RARB: variants seen among roughly 807,000 people sequenced by gnomAD.
RARB encodes the protein retinoic acid receptor beta.
RARB carries 17 observed loss-of-function variants against 51.9 expected under a neutral mutation model. That is an observed-to-expected ratio of 0.33 (90% CI 0.22 to 0.49). The LOEUF is 0.49. RARB is among the 20% of genes least tolerant of loss of function. The pLI is 0.99. For missense variants in RARB, 369 were observed against 550.8 expected (o/e 0.67, Z 3.30); for synonymous variants, 215 against 195.4 (o/e 1.10, Z -0.84).
chr3:25,394,344 A>G (rs893230471), intron 5 of RARB, among the ~76,000 whole-genome samples: 6 of 152,168 alleles, frequency 3.9e-5, no homozygotes, highest in African/African-American at 1.4e-4. Context: ...AGAATGTTCA[A>G]TGTGCTGATG....
At chr3:25,479,484 T>A (rs1696124167) in intron 2 of RARB, among the ~76,000 whole-genome samples, 1 of 152,248 alleles carries the variant, frequency 6.6e-6, no homozygotes, top group African/African-American at 2.4e-5. Flanking sequence ...TGTTCCTATT[T>A]AAAATTTAAA....
intron 2 of RARB, among the ~76,000 whole-genome samples, chr3:24,973,481 T>A (rs139835565): frequency 1.3e-5 from 2 of 152,036 alleles, no homozygotes; most frequent in Non-Finnish European, 2.9e-5. Context: ...AATTTTAGAA[T>A]TTTTTTGTTT....
At chr3:25,066,802 C>T (rs958190579) in intron 3 of RARB, among the ~76,000 whole-genome samples, 1 of 151,956 alleles carries the variant, frequency 6.6e-6, no homozygotes, top group Admixed American at 6.6e-5. Context: ...ATATTATACT[C>T]CTTTGTCCTC....
chr3:25,520,243 G>T lies in RARB; in HGVS notation c.448+18920G>T, dbSNP rs914002446. 2.6e-5 allele frequency among the ~76,000 whole-genome samples: 4 copies of T among 152,110 alleles called. No homozygotes were observed. The South Asian group carries it at 8.3e-4, about 32-fold the overall frequency. On this transcript the variant is annotated intron_variant, in intron 3 of 7. Coordinates refer to ENST00000330688, the MANE Select transcript of RARB (RefSeq NM_000965.5). Reference sequence around the variant, plus strand: ...ATTTTCTATTCTAATTCAAACACTGGTTATAAGAGTTTAGTTCCACGCCAA... The same window carrying T: ...ATTTTCTATTCTAATTCAAACACTGTTTATAAGAGTTTAGTTCCACGCCAA...
At chr3:24,916,163 T>C (rs1695102005) in intron 2 of RARB, among the ~76,000 whole-genome samples, 1 of 152,112 alleles carries the variant, frequency 6.6e-6, no homozygotes, top group African/African-American at 2.4e-5. Flanking sequence ...GAAAAAAGAC[T>C]CACAGAAAGC....
intron 2 of RARB, among the ~76,000 whole-genome samples, chr3:24,984,479 A>G (rs1480765262): frequency 6.6e-6 from 1 of 152,190 alleles, no homozygotes; most frequent in African/African-American, 2.4e-5. Context: ...TTTTAAAGTT[A>G]AACTATGAAT....
chr3:25,501,624 G>T (rs987264999), intron 3 of RARB, among the ~76,000 whole-genome samples: 1 of 152,130 alleles, frequency 6.6e-6, no homozygotes, highest in Admixed American at 6.5e-5. Context: ...ACAGTCACAC[G>T]GTGACTCCAT....
At chr3:24,877,221 C>T (rs981928386) in intron 2 of RARB, among the ~76,000 whole-genome samples, 4 of 152,036 alleles carry the variant, frequency 2.6e-5, no homozygotes, top group Middle Eastern at 3.4e-3. Flanking sequence ...TAGATAGTAT[C>T]TCACTTCTGT....
At chr3:25,457,615 G>GT (rs1232702425) in intron 1 of RARB, among the ~76,000 whole-genome samples, 1 of 152,132 alleles carries the variant, frequency 6.6e-6, no homozygotes, top group African/African-American at 2.4e-5. Context: ...TAGACTTCCC[G>GT]TTTTTTGTGT....
chr3:25,205,004 G>C (rs1216294127), intron 5 of RARB, among the ~76,000 whole-genome samples: 2 of 152,154 alleles, frequency 1.3e-5, no homozygotes, highest in African/African-American at 2.4e-5. Flanking sequence ...TTTTGTTTGG[G>C]TATGCCTTGC....
At chr3:25,254,773 AAAG>A (rs1218639543) in intron 5 of RARB, among the ~76,000 whole-genome samples, 1 of 152,146 alleles carries the variant, frequency 6.6e-6, no homozygotes, top group African/African-American at 2.4e-5. Context: ...GAAATAGGAT[AAAG>A]AAGAAGACAG....
intron 5 of RARB, among the ~76,000 whole-genome samples, chr3:25,184,762 C>A (rs536253288): frequency 4.6e-5 from 7 of 152,008 alleles, no homozygotes; most frequent in Non-Finnish European, 8.8e-5. Context: ...TATGGTGGCT[C>A]ACACCTATAC....
chr3:25,495,226 G>A (rs1196396686), intron 2 of RARB, among the ~76,000 whole-genome samples: 2 of 152,140 alleles, frequency 1.3e-5, no homozygotes, highest in African/African-American at 4.8e-5. Context: ...AAAATCTAAA[G>A]CAATAGTTTG....
At chr3:25,483,649 G>A (rs1696335660) in intron 2 of RARB, among the ~76,000 whole-genome samples, 1 of 150,842 alleles carries the variant, frequency 6.6e-6, no homozygotes, top group African/African-American at 2.4e-5. Flanking sequence ...TGGTAGCATA[G>A]GAAAACAAAA....
chr3:25,442,978 A>C lies in RARB; in HGVS notation c.157+14090A>C, dbSNP rs893369543. Among the ~76,000 whole-genome samples, 5 of 152,162 alleles carry C rather than the reference A, an allele frequency of 3.3e-5. No individual in the cohort carries two copies. The East Asian group carries it at 5.8e-4, about 18-fold the overall frequency. On this transcript the variant is annotated intron_variant, in intron 1 of 7. Transcript: ENST00000330688. Reference sequence around the variant, plus strand: ...AACAAACTTCAGGGAGGCAGAGAGGAACTGGCCATATTCTATGGAAGCCTC... The same window carrying C: ...AACAAACTTCAGGGAGGCAGAGAGGCACTGGCCATATTCTATGGAAGCCTC...
At chr3:25,367,860 A>G (rs1451892448) in intron 5 of RARB, among the ~76,000 whole-genome samples, 1 of 151,908 alleles carries the variant, frequency 6.6e-6, no homozygotes, top group Non-Finnish European at 1.5e-5. Flanking sequence ...TGGCTATTCA[A>G]TTTCATAGGA....
intron 2 of RARB, among the ~76,000 whole-genome samples, chr3:24,910,165 A>AT (rs1324923755): frequency 6.6e-6 from 1 of 151,924 alleles, no homozygotes; most frequent in East Asian, 1.9e-4. Context: ...CCATGTTTCT[A>AT]TTTTTTGCAA....
intron 2 of RARB, among the ~76,000 whole-genome samples, chr3:24,913,531 T>C (rs35781969): frequency 0.24 from 35,804 of 151,944 alleles, 4,623 homozygotes; most frequent in African/African-American, 0.35. Flanking sequence ...TGTTAACTTA[T>C]TTCTGTAACA....
intron 5 of RARB, among the ~76,000 whole-genome samples, chr3:25,300,578 G>C (rs1216078318): frequency 6.6e-6 from 1 of 152,148 alleles, no homozygotes; most frequent in Non-Finnish European, 1.5e-5. Flanking sequence ...AGGAACCAAA[G>C]CTTTCTGTAA....
Sources: allele counts gnomAD v4.1 joint callset (sites outside exome capture counted in the v4.1 genomes callset), GRCh38; gene constraint gnomAD v4.1.1; transcripts MANE v1.5; gene names NCBI Gene and HGNC (gene_info 2026-07-23, HGNC 2026-07-21).